FKBP15: variants seen among roughly 807,000 people sequenced by gnomAD.
FKBP15 encodes FK506-binding protein 15.
Under a neutral mutation model 158.1 loss-of-function variants are expected in FKBP15, and 106 were observed. The observed-to-expected ratio is 0.67, with a 90% CI of 0.57 to 0.79. FKBP15 has a LOEUF of 0.79. Ranked by LOEUF, FKBP15 falls within the 30% of genes least tolerant of loss-of-function variation. FKBP15 has a pLI of 0.00. For missense variants in FKBP15, 1,287 were observed against 1,479.1 expected (o/e 0.87, Z 2.13); for synonymous variants, 547 against 548.6 (o/e 1.00, Z 0.04).
rs1421209660 is a variant in FKBP15, at chr9:113,178,724, T to A, written c.1992A>T (p.Lys664Asn). The A allele has an allele frequency of 8.7e-6, 14 of 1,609,266 alleles. No homozygotes were observed. Among genetic ancestry groups the A allele is most frequent in the Non-Finnish European group, 1.1e-5 (13 of 1,177,762 alleles). Residue 664 changes from lysine (K) to asparagine (N), a missense_variant, in exon 20 of 28, where the codon AAA becomes AAT. Lys to Asn is a moderately conservative substitution (Grantham distance 94). Transcript: ENST00000238256. Reference sequence around the variant, plus strand: ...GCTGCATCTGCAGCTCTGTTTCCTTTTTTTGGTGAGCAGTCATTTTCAGCT... The same window carrying A: ...GCTGCATCTGCAGCTCTGTTTCCTTATTTTGGTGAGCAGTCATTTTCAGCT... ...HLQLKMTAHQ[K>N]KETELQMQLT...
intron 26 of FKBP15, among the ~76,000 whole-genome samples, 173 bp downstream of exon 26, chr9:113,169,051 G>A (rs1449288805): frequency 6.6e-6 from 1 of 151,988 alleles, no homozygotes; most frequent in Non-Finnish European, 1.5e-5. Flanking sequence ...ACTACTGTAG[G>A]GCCCGCCACA....
At chr9:113,172,730 A>G (rs532643442) in intron 23 of FKBP15, among the ~76,000 whole-genome samples, 1 of 152,386 alleles carries the variant, frequency 6.6e-6, no homozygotes, top group South Asian at 2.1e-4. Flanking sequence ...TCATTTAGAC[A>G]TAAACATTCA....
intron 25 of FKBP15, among the ~76,000 whole-genome samples, 197 bp from the exon 26 acceptor site, chr9:113,170,139 T>C (rs990943583): frequency 2.0e-5 from 3 of 152,122 alleles, no homozygotes; most frequent in Admixed American, 1.3e-4. Flanking sequence ...TTTTTTTTCT[T>C]TGGAGACAGG....
chr9:113,186,272 A>C lies in FKBP15; in HGVS notation c.1475T>G (p.Leu492Arg). 1 of 1,565,824 alleles carries C rather than the reference A, an allele frequency of 6.4e-7. No individual in the cohort carries two copies. The highest frequency in any genetic ancestry group is 1.4e-5 in the African/African-American group (1 of 73,938). Residue 492 changes from leucine to arginine, a missense_variant, in exon 15 of 28, where the codon CTC becomes CGC. Coordinates refer to ENST00000238256, the MANE Select transcript of FKBP15 (RefSeq NM_015258.2). ...ACCTTGGAAATGGGGAGGCTGAGAG[A>C]GCGGTGCTGGGTACAAAGGCCGAAC... is the stretch of plus-strand genomic sequence containing the variant. Reference protein sequence around the residue: ...QPVRPLYPAPLSQPPHFQGSG... With the variant: ...QPVRPLYPAPRSQPPHFQGSG...
chr9:113,200,025 A>T (rs1212371912), intron 6 of FKBP15, 62 bp from the exon 7 acceptor site: 5 of 1,506,976 alleles, frequency 3.3e-6, no homozygotes, highest in Admixed American at 4.2e-5. Context: ...TCATTCCTTT[A>T]TTGCTACTGC....
At chr9:113,176,403 AT>A (rs1261774466) in intron 21 of FKBP15, 133 bp downstream of exon 21, 329 of 1,032,986 alleles carry the variant, frequency 3.2e-4, no homozygotes, top group Non-Finnish European at 3.8e-4. Flanking sequence ...AGCGGGGAAA[AT>A]TTTTTTTTAA....
chr9:113,178,652 G>A lies in FKBP15; in HGVS notation c.2064C>T (p.Thr688=). Residue 688 remains threonine (T), a synonymous_variant, in exon 20 of 28, where the codon ACC becomes ACT. Transcript: ENST00000238256. ...TACCTGAGAGCTTTGCCTGCACTTT[G>A]GTGAGCTGGCCCCTGAGAAGATCTG... The part of the protein sequence containing the change: ...KETDLLRGQL[T]KVQAKLSELQ... 6.2e-7 allele frequency: 1 copy of A among 1,609,938 alleles called. No individual in the cohort carries two copies. Among genetic ancestry groups the A allele is most frequent in the Non-Finnish European group, 8.5e-7 (1 of 1,178,412 alleles).
rs1406586535 is a variant in FKBP15 at position 113,186,368 on chromosome 9, G to T, written c.1384-5C>A. The T allele has an allele frequency of 1.3e-6, 2 of 1,535,300 alleles. No individual in the cohort carries two copies. Among genetic ancestry groups the T allele is most frequent in the Admixed American group, 3.9e-5 (2 of 51,100 alleles). ...GGCTTGCATACCTGCATAGGGCTGA[G>T]AAACTGACGAGTTACCACTGGTTGA... On this transcript the variant is annotated splice_polypyrimidine_tract_variant and splice_region_variant and intron_variant, in intron 14 of 27. Coordinates refer to ENST00000238256, the MANE Select transcript of FKBP15 (RefSeq NM_015258.2).
At chr9:113,174,224 A>G (rs1490203144) in intron 22 of FKBP15, among the ~76,000 whole-genome samples, 1 of 152,234 alleles carries the variant, frequency 6.6e-6, no homozygotes, top group East Asian at 1.9e-4. Context: ...AATATTAACT[A>G]AGCTTTAAAA....
intron 12 of FKBP15, among the ~76,000 whole-genome samples, chr9:113,189,091 C>G (rs978017047): frequency 2.0e-5 from 3 of 152,336 alleles, no homozygotes; most frequent in African/African-American, 7.2e-5. Context: ...CCTCCTGCTT[C>G]ATATAAGAAA....
intron 2 of FKBP15, among the ~76,000 whole-genome samples, chr9:113,210,534 T>C (rs1470626820): frequency 6.6e-6 from 1 of 152,206 alleles, no homozygotes; most frequent in Non-Finnish European, 1.5e-5. Flanking sequence ...GGTTTCACCA[T>C]GTTGGCCAGA....
intron 21 of FKBP15, among the ~76,000 whole-genome samples, chr9:113,175,380 A>C (rs1587952922): frequency 6.6e-6 from 1 of 152,206 alleles, no homozygotes; most frequent in Non-Finnish European, 1.5e-5. Flanking sequence ...AAAATAAATA[A>C]ATAAAATGGA....
chr9:113,184,574 G>T lies in FKBP15; in HGVS notation c.1608+121C>A. The T allele has an allele frequency of 2.1e-6, 2 of 943,598 alleles. No homozygotes were observed. The highest frequency in any genetic ancestry group is 3.3e-6 in the Non-Finnish European group (2 of 607,350). The allele number at this position is 943,598 out of a possible 1,614,324, so 58.5% of individuals were successfully genotyped here. A position where few individuals can be genotyped will look rare whatever the true frequency, so the allele number is the denominator to read the frequency against. The stretch of plus-strand genomic sequence containing the variant: ...TCCCAACATAATTATAACTATCCTT[G>T]TAGGGAAATAACCTCTCACTACTAC... On this transcript the variant is annotated intron_variant, in intron 16 of 27. Transcript: ENST00000238256. This position sits in a 1 kb window ranked among gnomAD's most constrained non-coding sequence, Gnocchi z 4.5.
rs1830009172 is a variant in FKBP15, at chr9:113,161,334, C to T, written c.*4744G>A. ...GCTTCTCTTCCTGATCTCAAAGCCA[C>T]ACTCCAGCTAAGAAAAGTCTGGTGA... On this transcript the variant is annotated 3_prime_UTR_variant, in exon 28 of 28. Transcript: ENST00000238256. The T allele has an allele frequency of 3.1e-6, 2 of 637,062 alleles. No individual in the cohort carries two copies. Among genetic ancestry groups the T allele is most frequent in the Non-Finnish European group, 5.4e-6 (2 of 371,902 alleles). 39.5% of individuals were successfully genotyped at this position (637,062 alleles called of 1,614,324 possible).
Position 113,162,853 on chromosome 9 carries a change from T to C in FKBP15, c.*3225A>G, listed in dbSNP as rs529096471. The C allele has an allele frequency of 6.2e-7, 1 of 1,613,740 alleles. No individual in the cohort carries two copies. The highest frequency in any genetic ancestry group is 1.3e-5 in the African/African-American group (1 of 75,044). On this transcript the variant is annotated 3_prime_UTR_variant, in exon 28 of 28. Transcript: ENST00000238256. ...ATGTCCTACAACACCTGGATTTTCC[T>C]TGGTGTGGTCTTGGGCTCTGCTGTG...
intron 22 of FKBP15, among the ~76,000 whole-genome samples, chr9:113,174,153 CT>C (rs1209679202): frequency 2.0e-5 from 3 of 152,010 alleles, no homozygotes; most frequent in Non-Finnish European, 4.4e-5. Context: ...TGGTTTTGGC[CT>C]TACCATGTTT....
intron 20 of FKBP15, among the ~76,000 whole-genome samples, 178 bp downstream of exon 20, chr9:113,178,452 C>A (rs1003828511): frequency 1.3e-5 from 2 of 152,208 alleles, no homozygotes; most frequent in South Asian, 2.1e-4. Context: ...ATAGTCAGTT[C>A]TTTTGCTGTT....
chr9:113,174,656 T>A, intron 21 of FKBP15, 73 bp from the exon 22 acceptor site: 2 of 1,466,132 alleles, frequency 1.4e-6, no homozygotes, highest in South Asian at 2.6e-5. Context: ...GCGGTGGCAG[T>A]TAATTACCTT....
intron 4 of FKBP15, among the ~76,000 whole-genome samples, chr9:113,203,382 A>G (rs912003192): frequency 1.3e-5 from 2 of 152,154 alleles, no homozygotes; most frequent in African/African-American, 4.8e-5. Flanking sequence ...TTCATTATAC[A>G]TATATGTGCC....
Sources: gnomAD v4.1 joint callset for allele counts (sites outside exome capture counted in the v4.1 genomes callset) on GRCh38, gnomAD v4.1.1 for gene constraint, Gnocchi (gnomAD v3.1) non-coding constraint, MANE v1.5 for transcripts, NCBI Gene and HGNC (gene_info 2026-07-23, HGNC 2026-07-21) for gene names.